Variants in MYO10 observed in about 807,000 individuals in gnomAD.
MYO10 encodes the protein myosin X.
In MYO10, 133 loss-of-function variants were observed where a neutral mutation model predicts 257.3. The observed-to-expected ratio is 0.52, with a 90% CI of 0.45 to 0.60. The LOEUF (loss-of-function observed/expected upper bound fraction) is 0.60, where lower values mean the gene tolerates loss of function less well. Ranked by LOEUF, MYO10 falls within the 20% of genes least tolerant of loss-of-function variation. The pLI, the probability that MYO10 is intolerant of heterozygous loss-of-function variation, is 0.00. For synonymous variants in MYO10, 1,104 were observed against 1,028.6 expected (o/e 1.07, Z -1.40); for missense variants, 2,399 against 2,635.7 (o/e 0.91, Z 1.97).
intron 1 of MYO10, among the ~76,000 whole-genome samples, chr5:16,910,911 T>C (rs1329227637): frequency 6.6e-6 from 1 of 152,112 alleles, no homozygotes; most frequent in Admixed American, 6.6e-5. Flanking sequence ...TATGAACAAG[T>C]ATCTTAGTAT....
chr5:16,839,438 C>T (rs572844124), intron 2 of MYO10, among the ~76,000 whole-genome samples: 32 of 152,204 alleles, frequency 2.1e-4, no homozygotes, highest in African/African-American at 6.0e-4. Context: ...TTGCTGCAAT[C>T]TCATGATCAA....
intron 16 of MYO10, 101 bp downstream of exon 16, chr5:16,761,944 A>G: frequency 7.9e-7 from 1 of 1,258,640 alleles, no homozygotes; most frequent in Non-Finnish European, 1.1e-6. Flanking sequence ...CATGTGAGCC[A>G]CCATGCCCAG....
intron 8 of MYO10, 41 bp from the exon 9 acceptor site, chr5:16,779,689 C>G: frequency 8.2e-7 from 1 of 1,219,366 alleles, no homozygotes; most frequent in Non-Finnish European, 1.2e-6. Flanking sequence ...TTCTCCAGGA[C>G]AAGATGAAAT....
At chr5:16,738,407 A>G (rs1739889623) in intron 19 of MYO10, 3 of 985,418 alleles carry the variant, frequency 3.0e-6, no homozygotes, top group Non-Finnish European at 3.6e-6. Flanking sequence ...GCCTGGCATT[A>G]GAAAGAAGAA....
At chr5:16,774,952 G>A (rs1402005376) in intron 9 of MYO10, among the ~76,000 whole-genome samples, 1 of 150,720 alleles carries the variant, frequency 6.6e-6, no homozygotes, top group Admixed American at 6.6e-5. Context: ...ATATACCCAG[G>A]AAGGTCCATA....
chr5:16,808,010 C>G (rs1742328104), intron 3 of MYO10, among the ~76,000 whole-genome samples: 2 of 152,174 alleles, frequency 1.3e-5, no homozygotes, highest in African/African-American at 4.8e-5. Flanking sequence ...TAACACAGAG[C>G]CTGGTACCCA....
intron 1 of MYO10, among the ~76,000 whole-genome samples, chr5:16,886,949 A>C (rs1359708748): frequency 2.9e-5 from 4 of 136,970 alleles, no homozygotes; most frequent in Non-Finnish European, 4.8e-5. Context: ...AAAAAAAAAA[A>C]CAAAGCAAAA....
intron 28 of MYO10, among the ~76,000 whole-genome samples, chr5:16,688,976 C>T (rs1243816058): frequency 2.0e-5 from 3 of 152,196 alleles, no homozygotes; most frequent in Admixed American, 6.5e-5. Context: ...GTCCAGGAAG[C>T]TACAGACAAC....
rs139379221 is a variant in MYO10 at position 16,712,930 on chromosome 5, G to A, written c.1930-1685C>T. Among the ~76,000 whole-genome samples the A allele has an allele frequency of 1.1e-4, 16 of 152,288 alleles. No individual in the cohort carries two copies. The East Asian group carries it at 2.9e-3, about 28-fold the overall frequency. ...AATTAGCCTTGGTGACTCTTATGCC[G>A]TATCTCTGGATTTAAAAATGCGGGT... On this transcript the variant is annotated intron_variant, in intron 19 of 40. Coordinates refer to ENST00000513610, the MANE Select transcript of MYO10 (RefSeq NM_012334.3).
At chr5:16,681,645 A>C (rs1467054171) in intron 31 of MYO10, 142 bp from the exon 32 acceptor site, 1 of 1,074,876 alleles carries the variant, frequency 9.3e-7, no homozygotes, top group Non-Finnish European at 1.3e-6. Context: ...AACCCGATGT[A>C]AATGGAACGA....
At chr5:16,728,223 G>T (rs1739448481) in intron 19 of MYO10, among the ~76,000 whole-genome samples, 1 of 152,250 alleles carries the variant, frequency 6.6e-6, no homozygotes, top group Non-Finnish European at 1.5e-5. Flanking sequence ...CCCTGCGTGT[G>T]CATGGACTAC....
Position 16,701,236 on chromosome 5 carries a change from G to A in MYO10, c.3159C>T (p.Leu1053=), listed in dbSNP as rs367568919. Residue 1053 remains leucine, a synonymous_variant, in exon 25 of 41, where the codon CTC becomes CTT. Transcript: ENST00000513610. This position sits in a 1 kb window ranked among gnomAD's most constrained non-coding sequence, Gnocchi z 8.1. ...TCCCGGAGTCCTGCACTGATGGGGC[G>A]AGCAGCACCGTGCTGTCCGCACTGG... The part of the protein sequence containing the change: ...TSPSADSTVL[L]APSVQDSGSL... The A allele has an allele frequency of 1.9e-5, 31 of 1,612,748 alleles. No individual in the cohort carries two copies. The highest frequency in any genetic ancestry group is 1.5e-4 in the African/African-American group (11 of 74,912).
intron 19 of MYO10, among the ~76,000 whole-genome samples, chr5:16,752,673 A>T: frequency 6.6e-6 from 1 of 152,212 alleles, no homozygotes; most frequent in East Asian, 1.9e-4. Context: ...GAAAGAGGAG[A>T]GAACGCCATC....
At chr5:16,881,108 C>T (rs947749671) in intron 1 of MYO10, among the ~76,000 whole-genome samples, 1 of 151,500 alleles carries the variant, frequency 6.6e-6, no homozygotes, top group Admixed American at 6.6e-5. Context: ...AACCCAGAAC[C>T]CCTAGTCCAA....
At position 16,668,472 on chromosome 5, in the gene MYO10, G is replaced by C. The variant is rs1361019478; in HGVS notation, c.5884-4C>G. On this transcript the variant is annotated splice_polypyrimidine_tract_variant and splice_region_variant and intron_variant, in intron 39 of 40. Coordinates refer to ENST00000513610, the MANE Select transcript of MYO10 (RefSeq NM_012334.3). ...GAGGGAAGCCACCTTCCTTGCACTG[G>C]TGGGCAAGAGTCAACAGAAGAGTTA... 6.3e-7 allele frequency: 1 copy of C among 1,594,836 alleles called. No individual in the cohort carries two copies. Among genetic ancestry groups the C allele is most frequent in the Non-Finnish European group, 8.5e-7 (1 of 1,171,984 alleles).
At chr5:16,671,106 C>G (rs955529250) in intron 38 of MYO10, 128 bp from the exon 39 acceptor site, 21 of 907,264 alleles carry the variant, frequency 2.3e-5, no homozygotes, top group Non-Finnish European at 3.5e-5. Flanking sequence ...CTGGCTAAAA[C>G]TGTACCCTCA....
rs1454521798 is a variant in MYO10 at position 16,753,114 on chromosome 5, C to G, written c.1929+1714G>C. Among the ~76,000 whole-genome samples the G allele has an allele frequency of 2.6e-5, 4 of 152,242 alleles. No individual in the cohort carries two copies. The East Asian group carries it at 5.8e-4, about 22-fold the overall frequency. ...TCTCTTAAAGAGATGTCCAATTTTG[C>G]CTCTCTAGAAGACAGATAATTCAAC... On this transcript the variant is annotated intron_variant, in intron 19 of 40. Coordinates refer to ENST00000513610, the MANE Select transcript of MYO10 (RefSeq NM_012334.3).
At chr5:16,846,856 G>A (rs551204514) in intron 2 of MYO10, among the ~76,000 whole-genome samples, 9 of 152,164 alleles carry the variant, frequency 5.9e-5, no homozygotes, top group Non-Finnish European at 8.8e-5. Context: ...GGTGGCTCAC[G>A]CCTGTAATCC....
At chr5:16,705,232 A>G (rs771034483) in intron 21 of MYO10, among the ~76,000 whole-genome samples, 1 of 152,242 alleles carries the variant, frequency 6.6e-6, no homozygotes, top group Non-Finnish European at 1.5e-5. Context: ...TGCACTCAAA[A>G]TATTGACGTT....
Sources: allele counts gnomAD v4.1 joint callset (sites outside exome capture counted in the v4.1 genomes callset), GRCh38; gene constraint gnomAD v4.1.1; non-coding constraint Gnocchi (gnomAD v3.1); transcripts MANE v1.5; gene names NCBI Gene and HGNC (gene_info 2026-07-23, HGNC 2026-07-21).